Variants in PHF20 observed in about 807,000 individuals in gnomAD.
PHF20 encodes the protein PHD finger protein 20, also known as glioma-expressed antigen 2.
In PHF20, 23 loss-of-function variants were observed where a neutral mutation model predicts 113.5. The observed-to-expected ratio is 0.20, with a 90% CI of 0.15 to 0.29. The LOEUF is 0.29. Among genes scored for constraint, PHF20 ranks in the 10% least tolerant of loss-of-function variants. The pLI is 1.00. For synonymous variants in PHF20, 434 were observed against 457.3 expected, an observed-to-expected ratio of 0.95 and a Z score of 0.65; for missense variants, 943 against 1,219.6, an observed-to-expected ratio of 0.77 and a Z score of 3.38.
intron 6 of PHF20, among the ~76,000 whole-genome samples, chr20:35,867,353 G>C (rs888494453): frequency 1.6e-4 from 25 of 152,128 alleles, no homozygotes; most frequent in Admixed American, 1.6e-3. Context: ...ACCGCCTCCT[G>C]GGTTCAAGTG....
At chr20:35,856,042 GATCTTACTCATTCTTTCTAACTTTTT>G (rs1422023428) in intron 4 of PHF20, among the ~76,000 whole-genome samples, 3 of 151,948 alleles carry the variant, frequency 2.0e-5, no homozygotes, top group African/African-American at 7.3e-5. Flanking sequence ...GCAAATACTA[GATCTTACTCATTCTTTCTAACTTTTT>G]TGTACCCCTT....
chr20:35,919,145 T>A (rs1256036904), intron 13 of PHF20, among the ~76,000 whole-genome samples: 2 of 150,918 alleles, frequency 1.3e-5, no homozygotes, highest in Non-Finnish European at 2.9e-5. Context: ...ACTGCCCGAG[T>A]AGCTGGGATT....
chr20:35,863,486 C>A, intron 6 of PHF20, 86 bp downstream of exon 6: 2 of 1,305,854 alleles, frequency 1.5e-6, no homozygotes, highest in Non-Finnish European at 2.1e-6. Flanking sequence ...TTGTGTACGT[C>A]AATCGTTTAT....
intron 1 of PHF20, among the ~76,000 whole-genome samples, chr20:35,787,706 C>T (rs191389504): frequency 8.2e-4 from 123 of 149,406 alleles, no homozygotes; most frequent in Non-Finnish European, 1.5e-3. Flanking sequence ...AGGCTGGTCT[C>T]GCTCTGTGCC....
At chr20:35,839,277 G>C (rs895763665) in intron 2 of PHF20, among the ~76,000 whole-genome samples, 1 of 151,410 alleles carries the variant, frequency 6.6e-6, no homozygotes, top group Non-Finnish European at 1.5e-5. Flanking sequence ...TGTAGTCCCA[G>C]CTACTTGGGA....
intron 2 of PHF20, among the ~76,000 whole-genome samples, chr20:35,805,508 G>T (rs1048081232): frequency 6.6e-6 from 1 of 151,408 alleles, no homozygotes; most frequent in South Asian, 2.1e-4. Flanking sequence ...TTAGCTTCCC[G>T]GCTAATTTTT....
intron 4 of PHF20, among the ~76,000 whole-genome samples, chr20:35,851,810 G>C (rs111589667): frequency 1.3e-5 from 2 of 151,970 alleles, no homozygotes; most frequent in African/African-American, 4.8e-5. Context: ...AGCTACTCGG[G>C]AGGCTGAGAC....
intron 1 of PHF20, among the ~76,000 whole-genome samples, chr20:35,790,752 G>A (rs1032544562): frequency 7.9e-5 from 12 of 152,270 alleles, no homozygotes; most frequent in African/African-American, 2.6e-4. Flanking sequence ...CCAAAAGAGA[G>A]TTTCTTTTGG....
chr20:35,784,468 A>T (rs1181884963), intron 1 of PHF20, among the ~76,000 whole-genome samples: 1 of 109,398 alleles, frequency 9.1e-6, no homozygotes, highest in African/African-American at 3.5e-5. Flanking sequence ...ATGGAGTCTC[A>T]CTGTGTCTCC....
chr20:35,851,872 A>G (rs8114077), intron 4 of PHF20, among the ~76,000 whole-genome samples: 7,362 of 151,412 alleles, frequency 0.049, 230 homozygotes, highest in African/African-American at 0.099. Context: ...CTGAGATTGC[A>G]CCATACTGCA....
At chr20:35,925,683 C>A (rs1194551763) in intron 13 of PHF20, among the ~76,000 whole-genome samples, 3 of 150,702 alleles carry the variant, frequency 2.0e-5, no homozygotes, top group Non-Finnish European at 4.4e-5. Flanking sequence ...GTGTGTTCTT[C>A]AAATAGTATT....
chr20:35,827,855 G>T (rs1293913795), intron 2 of PHF20, among the ~76,000 whole-genome samples: 1 of 150,310 alleles, frequency 6.7e-6, no homozygotes, highest in Non-Finnish European at 1.5e-5. Flanking sequence ...GATCTTGATT[G>T]TGCCTCTTCC....
chr20:35,881,281 C>G (rs1199063197), intron 9 of PHF20, among the ~76,000 whole-genome samples: 1 of 151,956 alleles, frequency 6.6e-6, no homozygotes, highest in Admixed American at 6.6e-5. Flanking sequence ...TAGTCTTGAA[C>G]TCCTGACCTC....
Position 35,913,353 on chromosome 20 carries a change from T to G in PHF20, c.1660+6T>G. 1 of 1,582,532 alleles carries G rather than the reference T, an allele frequency of 6.3e-7. No individual in the cohort carries two copies. Among genetic ancestry groups the G allele is most frequent in the South Asian group, 1.2e-5 (1 of 86,880 alleles). On this transcript the variant is annotated splice_donor_region_variant and intron_variant, in intron 11 of 17. Coordinates refer to ENST00000374012, the MANE Select transcript of PHF20 (RefSeq NM_016436.5). ...GAAAAAGAAAACCAAACCTGGTAAT[T>G]TTTTTTCCTGAGGGTTTCACTTAGG...
chr20:35,939,683 C>T (rs372447177), intron 16 of PHF20, among the ~76,000 whole-genome samples: 5 of 152,116 alleles, frequency 3.3e-5, no homozygotes, highest in Non-Finnish European at 5.9e-5. Context: ...ACCTCGTTGC[C>T]GGTGTTTTCA....
At chr20:35,804,229 G>GTTTTTTTTT (rs1216930263) in intron 2 of PHF20, among the ~76,000 whole-genome samples, 3 of 99,582 alleles carry the variant, frequency 3.0e-5, no homozygotes, top group Non-Finnish European at 3.9e-5. Context: ...GCTACTGTAT[G>GTTTTTTTTT]TTTTTTTTTT....
intron 9 of PHF20, among the ~76,000 whole-genome samples, chr20:35,889,357 TTTTTTA>T (rs1568713709): frequency 6.6e-6 from 1 of 151,784 alleles, no homozygotes; most frequent in Non-Finnish European, 1.5e-5. Context: ...TTGGGTTTTA[TTTTTTA>T]TTTTTATTTT....
chr20:35,782,118 C>G (rs2041309796), intron 1 of PHF20, among the ~76,000 whole-genome samples: 1 of 151,882 alleles, frequency 6.6e-6, no homozygotes, highest in South Asian at 2.1e-4. Flanking sequence ...CTTGACTGTC[C>G]CTTGGTTCCA....
Position 35,881,048 on chromosome 20 carries a change from C to CTTTTTTTTTTTTTT in PHF20, c.1282+9228_1282+9241dup, listed in dbSNP as rs773060725. ...GTTCCAGACCTTTATCTCTAAATAC[C>CTTTTTTTTTTTTTT]TTTTTTTTTTTTTTTTTTTTTTCTG... On this transcript the variant is annotated intron_variant, in intron 9 of 17. Coordinates refer to ENST00000374012, the MANE Select transcript of PHF20 (RefSeq NM_016436.5). Among the ~76,000 whole-genome samples, 163 of 109,744 alleles carry CTTTTTTTTTTTTTT rather than the reference C, an allele frequency of 1.5e-3. 8 individuals are homozygous for CTTTTTTTTTTTTTT. The highest frequency in any genetic ancestry group is 5.4e-3 in the African/African-American group (137 of 25,336). 72.0% of individuals were successfully genotyped at this position (109,744 alleles called of 152,430 possible).
Sources: allele counts gnomAD v4.1 joint callset (sites outside exome capture counted in the v4.1 genomes callset), GRCh38; gene constraint gnomAD v4.1.1; transcripts MANE v1.5; gene names NCBI Gene and HGNC (gene_info 2026-07-23, HGNC 2026-07-21).